The following PTPN2 variants were observed in gnomAD, a reference collection of about 807,000 sequenced individuals.
The protein encoded by PTPN2 is protein tyrosine phosphatase non-receptor type 2.
PTPN2 carries 19 observed loss-of-function variants against 57.3 expected under a neutral mutation model. That is an observed-to-expected ratio of 0.33 (90% CI 0.23 to 0.49). The LOEUF is 0.49. PTPN2 is among the 20% of genes least tolerant of loss of function. PTPN2 has a pLI of 0.99. For synonymous variants in PTPN2, 153 were observed against 164.9 expected, an observed-to-expected ratio of 0.93 and a Z score of 0.55; for missense variants, 358 against 501.1, an observed-to-expected ratio of 0.71 and a Z score of 2.73.
At position 12,794,393 on chromosome 18, in the gene PTPN2, T is replaced by C. The variant is rs1568074907; in HGVS notation, c.1133A>G (p.Lys378Arg). ...MKQRLNENER[K>R]RKRWLYWQPI... ...TTGCCAATATAACCACCTTTTTCTT[T>C]TTCGTTCATTCTCATTTAGCCTCTG... Residue 378 changes from lysine to arginine, a missense_variant, in exon 9 of 9, where the codon AAA becomes AGA. Lys to Arg is a conservative substitution (Grantham distance 26, BLOSUM62 2). Coordinates refer to ENST00000309660, the MANE Select transcript of PTPN2 (RefSeq NM_002828.4). 6.2e-7 allele frequency: 1 copy of C among 1,614,176 alleles called. No homozygotes were observed. Among genetic ancestry groups the C allele is most frequent in the Non-Finnish European group, 8.5e-7 (1 of 1,180,024 alleles).
At chr18:12,877,818 T>C (rs1354041435) in intron 1 of PTPN2, among the ~76,000 whole-genome samples, 1 of 151,776 alleles carries the variant, frequency 6.6e-6, no homozygotes, top group Non-Finnish European at 1.5e-5. Context: ...AAGACCATCC[T>C]GGCTAACACG....
In PTPN2 at chr18:12,793,703, T is replaced by C; in HGVS notation, c.*575A>G. On this transcript the variant is annotated 3_prime_UTR_variant, in exon 9 of 9. Coordinates refer to ENST00000309660, the MANE Select transcript of PTPN2 (RefSeq NM_002828.4). ...TACAATTCAATCGACATACAATTTA[T>C]TTTTTTAGTAACAGATTTTTCAAAT... The C allele has an allele frequency of 1.7e-5, 17 of 977,306 alleles. No homozygotes were observed. Among genetic ancestry groups the C allele is most frequent in the Non-Finnish European group, 1.9e-5 (16 of 822,154 alleles). The allele number at this position is 977,306 out of a possible 1,614,324, so 60.5% of individuals were successfully genotyped here. A position where few individuals can be genotyped will look rare whatever the true frequency, so the allele number is the denominator to read the frequency against.
At chr18:12,883,386 G>A (rs1212022703) in intron 1 of PTPN2, among the ~76,000 whole-genome samples, 1 of 152,234 alleles carries the variant, frequency 6.6e-6, no homozygotes, top group Non-Finnish European at 1.5e-5. Flanking sequence ...GGGGGAAAAT[G>A]AAGACGGAGG....
At chr18:12,807,600 T>TATATATATATAC (rs71174144) in intron 7 of PTPN2, among the ~76,000 whole-genome samples, 5 of 85,212 alleles carry the variant, frequency 5.9e-5, no homozygotes, top group Non-Finnish European at 7.5e-5. Context: ...TATATATATA[T>TATATATATATAC]ATATAATATA....
At chr18:12,853,117 A>C (rs983363313) in intron 2 of PTPN2, among the ~76,000 whole-genome samples, 1 of 152,242 alleles carries the variant, frequency 6.6e-6, no homozygotes, top group African/African-American at 2.4e-5. Flanking sequence ...TTTCTGAACC[A>C]AATCAGCAAC....
chr18:12,826,091 T>C, intron 4 of PTPN2, 147 bp from the exon 5 acceptor site: 1 of 633,866 alleles, frequency 1.6e-6, no homozygotes, highest in Non-Finnish European at 2.6e-6. Flanking sequence ...ATTCTACGCT[T>C]AATGTATTTT....
intron 1 of PTPN2, among the ~76,000 whole-genome samples, chr18:12,870,510 G>GTTT (rs397953218): frequency 1.3e-4 from 7 of 54,408 alleles, no homozygotes; most frequent in South Asian, 1.1e-3. Flanking sequence ...AAAGCGTGTT[G>GTTT]TTTTTTTTTT....
chr18:12,873,156 G>T (rs1450824037), intron 1 of PTPN2, among the ~76,000 whole-genome samples: 2 of 151,958 alleles, frequency 1.3e-5, no homozygotes, highest in Non-Finnish European at 2.9e-5. Flanking sequence ...GGGAGGTGGA[G>T]GTTGCAGTGA....
At chr18:12,861,645 T>C (rs1453800878) in intron 1 of PTPN2, among the ~76,000 whole-genome samples, 1 of 152,244 alleles carries the variant, frequency 6.6e-6, no homozygotes, top group South Asian at 2.1e-4. Flanking sequence ...GTTTTGTCGC[T>C]ACTGTAAATG....
chr18:12,865,435 T>C (rs1313396572), intron 1 of PTPN2, among the ~76,000 whole-genome samples: 5 of 145,644 alleles, frequency 3.4e-5, no homozygotes, highest in African/African-American at 5.4e-5. Context: ...ACTCTGTCTT[T>C]ATTAAAAAAA....
intron 1 of PTPN2, among the ~76,000 whole-genome samples, chr18:12,876,006 G>A (rs898640956): frequency 1.4e-4 from 21 of 152,166 alleles, no homozygotes; most frequent in African/African-American, 4.6e-4. Context: ...CCGGGAGTTC[G>A]AGACCAGTCT....
chr18:12,860,133 C>G (rs1335990753), intron 1 of PTPN2, among the ~76,000 whole-genome samples: 1 of 151,774 alleles, frequency 6.6e-6, no homozygotes, highest in African/African-American at 2.4e-5. Flanking sequence ...ACTAAATATA[C>G]AAAAAATCAG....
intron 7 of PTPN2, among the ~76,000 whole-genome samples, chr18:12,805,946 A>C (rs2041634052): frequency 6.6e-6 from 1 of 152,014 alleles, no homozygotes; most frequent in South Asian, 2.1e-4. Flanking sequence ...CACTTTCAAC[A>C]CTTTTATTCA....
chr18:12,836,949 C>T (rs1003394798), intron 2 of PTPN2, 58 bp from the exon 3 acceptor site: 2 of 1,007,976 alleles, frequency 2.0e-6, no homozygotes, highest in Non-Finnish European at 3.1e-6. Flanking sequence ...TTTTTATCTT[C>T]ATATTAATAT....
chr18:12,847,097 C>A (rs1437067756), intron 2 of PTPN2, among the ~76,000 whole-genome samples: 1 of 148,348 alleles, frequency 6.7e-6, no homozygotes, highest in East Asian at 1.9e-4. Context: ...TGTAATAGGA[C>A]AGAAAGGTGA....
chr18:12,791,793 GA>G (rs1256895993), downstream of PTPN2, among the ~76,000 whole-genome samples: 2 of 152,144 alleles, frequency 1.3e-5, no homozygotes, highest in African/African-American at 4.8e-5. Flanking sequence ...AAAGCATACA[GA>G]AAGCAAAGCG....
At chr18:12,786,892 T>A (rs184889260) in intron 9 of PTPN2, 17 of 152,320 alleles carry the variant, frequency 1.1e-4, no homozygotes, top group Admixed American at 5.2e-4. Context: ...ACATTCTCAT[T>A]AGATAATGTG....
chr18:12,860,140 T>C (rs1397899009), intron 1 of PTPN2, among the ~76,000 whole-genome samples: 1 of 151,596 alleles, frequency 6.6e-6, no homozygotes, highest in Non-Finnish European at 1.5e-5. Context: ...ATACAAAAAA[T>C]CAGCTAGGCG....
intron 1 of PTPN2, among the ~76,000 whole-genome samples, chr18:12,866,031 G>A (rs1239980222): frequency 6.6e-6 from 1 of 152,134 alleles, no homozygotes; most frequent in East Asian, 1.9e-4. Flanking sequence ...CCATCAACTG[G>A]TGAATGGATA....
Sources: gnomAD v4.1 joint callset for allele counts (sites outside exome capture counted in the v4.1 genomes callset) on GRCh38, gnomAD v4.1.1 for gene constraint, MANE v1.5 for transcripts, NCBI Gene and HGNC (gene_info 2026-07-23, HGNC 2026-07-21) for gene names.